Variants in CDK12 observed in about 807,000 individuals in gnomAD.
The protein encoded by CDK12 is cyclin dependent kinase 12, also known as cyclin-dependent kinase 12.
Under a neutral mutation model 133.8 loss-of-function variants are expected in CDK12, and 17 were observed. That is an observed-to-expected ratio of 0.13 (90% confidence interval 0.09 to 0.19). The LOEUF (loss-of-function observed/expected upper bound fraction) is 0.19, where lower values mean the gene tolerates loss of function less well. Among genes scored for constraint, CDK12 ranks in the 10% least tolerant of loss-of-function variants. The pLI, the probability that CDK12 is intolerant of heterozygous loss-of-function variation, is 1.00. For missense variants in CDK12, 1,508 were observed against 1,818.7 expected, an observed-to-expected ratio of 0.83 and a Z score of 3.11; for synonymous variants, 694 against 683.6, an observed-to-expected ratio of 1.02 and a Z score of -0.24.
intron 6 of CDK12, among the ~76,000 whole-genome samples, chr17:39,506,491 C>T (rs2053137648): frequency 6.6e-6 from 1 of 152,112 alleles, no homozygotes; most frequent in Non-Finnish European, 1.5e-5. Flanking sequence ...GCTAGGATTA[C>T]AGACGCGAGC....
intron 2 of CDK12, among the ~76,000 whole-genome samples, chr17:39,481,651 T>TCTCTCTCTCTCC (rs2050686579): frequency 1.1e-4 from 2 of 18,298 alleles, no homozygotes; most frequent in African/African-American, 3.1e-4. Context: ...TCTCTCTCTC[T>TCTCTCTCTCTCC]CTCTCTCTCT....
At chr17:39,509,378 T>C (rs1434729076) in intron 6 of CDK12, among the ~76,000 whole-genome samples, 2 of 152,222 alleles carry the variant, frequency 1.3e-5, no homozygotes, top group Admixed American at 6.5e-5. Flanking sequence ...CTAGGTACTG[T>C]TGTTTACCAT....
In CDK12 at chr17:39,525,970, T is replaced by C. The variant is rs769109904; in HGVS notation, c.3414T>C (p.Leu1138=). 1.2e-6 allele frequency: 2 copies of C among 1,614,012 alleles called. No homozygotes were observed. The highest frequency in any genetic ancestry group is 2.7e-5 in the African/African-American group (2 of 74,902). Residue 1138 remains leucine, a synonymous_variant, in exon 13 of 14, where the codon CTT becomes CTC. Coordinates refer to ENST00000447079, the MANE Select transcript of CDK12 (RefSeq NM_016507.4). ...DLSIPQMAQL[L]NIHSNPEMQQ... is the part of the protein sequence containing the mutation. ...GCATCCCTCAAATGGCACAGCTGCT[T>C]AACATCCACTCCAACCCAGAGATGC...
intron 10 of CDK12, among the ~76,000 whole-genome samples, chr17:39,519,009 C>T (rs1031059785): frequency 1.3e-5 from 2 of 152,084 alleles, no homozygotes; most frequent in Non-Finnish European, 2.9e-5. Flanking sequence ...TTAAGTGATT[C>T]TCCTGCCTTA....
chr17:39,532,461 C>CAAA lies in CDK12; in HGVS notation c.*1153_*1155dup, dbSNP rs147657554. On this transcript the variant is annotated 3_prime_UTR_variant, in exon 14 of 14. Transcript: ENST00000447079. ...ATTGTTTACACATATATTTTTATGTCAAAAAAAAAACAAAAACCTTTCAAA... is the reference window on the plus strand; with the variant it reads ...ATTGTTTACACATATATTTTTATGTCAAAAAAAAAAAAACAAAAACCTTTCAAA... 3.2e-4 allele frequency: 66 copies of CAAA among 208,534 alleles called. No homozygotes were observed. Among genetic ancestry groups the CAAA allele is most frequent in the Admixed American group, 1.4e-3 (22 of 16,100 alleles). 12.9% of individuals were successfully genotyped at this position (208,534 alleles called of 1,614,324 possible).
intron 2 of CDK12, among the ~76,000 whole-genome samples, chr17:39,555,102 G>T (rs913500732): frequency 6.6e-6 from 1 of 150,428 alleles, no homozygotes; most frequent in Non-Finnish European, 1.5e-5. Context: ...AAAATTAGCC[G>T]GGCATGGTGG....
At chr17:39,512,161 C>G (rs2053542525) in intron 8 of CDK12, among the ~76,000 whole-genome samples, 1 of 152,102 alleles carries the variant, frequency 6.6e-6, no homozygotes, top group African/African-American at 2.4e-5. Flanking sequence ...ATGATCATAG[C>G]ACGCTATATC....
rs1230890937 is a variant in CDK12, at chr17:39,526,108, T to A, written c.3552T>A (p.Ser1184=). The change falls in exon 13 of 14, where the codon TCT becomes TCA. Residue 1184 remains serine (S), a synonymous_variant. Coordinates refer to ENST00000447079, the MANE Select transcript of CDK12 (RefSeq NM_016507.4). ...APEESLKEAP[S]APVILPSAEQ... is the part of the protein sequence containing the mutation. ...AGGAGTCTTTGAAGGAAGCACCCTC[T>A]GCCCCAGTGATCCTGCCTTCAGCAG... The A allele has an allele frequency of 6.2e-7, 1 of 1,614,208 alleles. No homozygotes were observed. The highest frequency in any genetic ancestry group is 1.7e-5 in the Admixed American group (1 of 60,030).
chr17:39,512,592 G>A (rs781257148), intron 8 of CDK12, among the ~76,000 whole-genome samples: 5 of 152,148 alleles, frequency 3.3e-5, no homozygotes, highest in South Asian at 2.1e-4. Context: ...TACATAATAC[G>A]TAATTGTCTT....
chr17:39,468,825 T>G (rs1367833341), intron 1 of CDK12, among the ~76,000 whole-genome samples: 2 of 151,488 alleles, frequency 1.3e-5, no homozygotes, highest in Non-Finnish European at 2.9e-5. Flanking sequence ...ATTTATTTAT[T>G]TATTTTGAGA....
chr17:39,488,768 C>T (rs1444737361), intron 2 of CDK12, among the ~76,000 whole-genome samples: 2 of 151,810 alleles, frequency 1.3e-5, no homozygotes, highest in African/African-American at 2.4e-5. Context: ...TTTTATTTTT[C>T]GAGACAGAGC....
At chr17:39,495,473 T>C (rs2052023439) in intron 5 of CDK12, among the ~76,000 whole-genome samples, 1 of 141,504 alleles carries the variant, frequency 7.1e-6, no homozygotes, top group Admixed American at 7.7e-5. Context: ...GTGGAAAAAC[T>C]GAAAATATAG....
At chr17:39,479,814 A>G (rs2050493864) in intron 2 of CDK12, among the ~76,000 whole-genome samples, 2 of 151,832 alleles carry the variant, frequency 1.3e-5, no homozygotes, top group African/African-American at 4.8e-5. Flanking sequence ...TTTAGTAGAG[A>G]CAGGGTCTCC....
Position 39,462,703 on chromosome 17 carries a change from A to C in CDK12, c.632A>C (p.Lys211Thr), listed in dbSNP as rs778493744. The change falls in exon 1 of 14, where the codon AAA becomes ACA. Residue 211 changes from lysine to threonine, a missense_variant. This residue lies in a region of CDK12 where 460 missense variants were observed against 490.8 expected (regional missense o/e 0.94). Transcript: ENST00000447079. The stretch of plus-strand genomic sequence containing the variant: ...AAAAGGGAAACACCCAAAAGTTACA[A>C]AACAGTGGACAGCCCAAAACGGAGA... ...HRKRETPKSYKTVDSPKRRSR... is the reference protein window; with the variant it reads ...HRKRETPKSYTTVDSPKRRSR... The C allele has an allele frequency of 2.3e-5, 37 of 1,614,102 alleles. No homozygotes were observed. The African/African-American group carries it at 4.4e-4, about 19-fold the overall frequency.
At chr17:39,513,842 A>AT (rs2053634796) in intron 8 of CDK12, among the ~76,000 whole-genome samples, 2 of 152,260 alleles carry the variant, frequency 1.3e-5, no homozygotes, top group African/African-American at 2.4e-5. Context: ...TTTTTATGGG[A>AT]TTTTTTATAG....
intron 5 of CDK12, among the ~76,000 whole-genome samples, chr17:39,497,379 C>G (rs1252525386): frequency 1.3e-5 from 2 of 151,980 alleles, no homozygotes; most frequent in East Asian, 3.9e-4. Flanking sequence ...CCCCTCTCTA[C>G]TAAAAATGCG....
Position 39,530,752 on chromosome 17 carries a change from A to G in CDK12, c.3909A>G (p.Gln1303=). ...CAGCCGTGACAGCCGCCTTGCTGCA[A>G]CTTTTATCCCAGCCTGAAGCAGAGC... is the stretch of plus-strand genomic sequence containing the variant. ...LNPAVTAALL[Q]LLSQPEAEPP... Residue 1303 remains glutamine, a synonymous_variant, in exon 14 of 14, where the codon CAA becomes CAG. Coordinates refer to ENST00000447079, the MANE Select transcript of CDK12 (RefSeq NM_016507.4). 6.2e-7 allele frequency: 1 copy of G among 1,614,022 alleles called. No individual in the cohort carries two copies.
At chr17:39,563,200 C>A (rs1441738995) in intron 3 of CDK12, among the ~76,000 whole-genome samples, 1 of 151,946 alleles carries the variant, frequency 6.6e-6, no homozygotes, top group African/African-American at 2.4e-5. Flanking sequence ...CACACACTCA[C>A]ACACACGAAT....
chr17:39,527,210 A>C (rs758696717), intron 13 of CDK12, among the ~76,000 whole-genome samples: 1 of 152,232 alleles, frequency 6.6e-6, no homozygotes, highest in South Asian at 2.1e-4. Flanking sequence ...CACATTTCAT[A>C]TGAGGTGGTG....
Sources: allele counts gnomAD v4.1 joint callset (sites outside exome capture counted in the v4.1 genomes callset), GRCh38; gene constraint gnomAD v4.1.1; regional missense constraint gnomAD v4.1.1; transcripts MANE v1.5; gene names NCBI Gene and HGNC (gene_info 2026-07-23, HGNC 2026-07-21).